Variants in ADAMTS2 observed in about 807,000 individuals in gnomAD.
ADAMTS2 encodes the protein ADAM metallopeptidase with thrombospondin type 1 motif 2, also known as A disintegrin and metalloproteinase with thrombospondin motifs 2.
ADAMTS2 carries 50 observed loss-of-function variants against 123.0 expected under a neutral mutation model. That is an observed-to-expected ratio of 0.41 (90% confidence interval 0.32 to 0.51). ADAMTS2 has a LOEUF of 0.51. ADAMTS2 is among the 20% of genes least tolerant of loss of function. The pLI, the probability that ADAMTS2 is intolerant of heterozygous loss-of-function variation, is 0.35. For missense variants in ADAMTS2, 1,494 were observed against 1,705.2 expected (o/e 0.88, Z 2.18); for synonymous variants, 678 against 695.4 (o/e 0.98, Z 0.39).
In ADAMTS2 at chr5:179,197,320, A is replaced by G. The variant is rs542844940; in HGVS notation, c.891+10193T>C. On this transcript the variant is annotated intron_variant, in intron 4 of 21. Transcript: ENST00000251582. The surrounding 1 kb of genome is among the most constrained non-coding windows in gnomAD (Gnocchi z 4.2). ...CATTGAGGCCTTAGGCTTCTCGGGA[A>G]GAGTAGGATTGAAATTAGCGCTTTA... Among the ~76,000 whole-genome samples the G allele has an allele frequency of 2.0e-5, 3 of 152,346 alleles. No homozygotes were observed. The East Asian group carries it at 5.8e-4, about 29-fold the overall frequency.
chr5:179,145,934 C>T (rs1006155558), intron 10 of ADAMTS2, among the ~76,000 whole-genome samples: 4 of 152,312 alleles, frequency 2.6e-5, no homozygotes, highest in Middle Eastern at 3.4e-3. Flanking sequence ...CTCACCGCAA[C>T]CTCTGCTTCC....
chr5:179,281,295 C>G (rs775684407), intron 2 of ADAMTS2, among the ~76,000 whole-genome samples: 4 of 152,152 alleles, frequency 2.6e-5, no homozygotes, highest in Non-Finnish European at 5.9e-5. Context: ...TTCATCACCC[C>G]AAAAAGAAAC....
At position 179,185,789 on chromosome 5, in the gene ADAMTS2, C is replaced by G. The variant is rs1434506515; in HGVS notation, c.892-4634G>C. ...TGGGCTGTCCGCCAGCAGCCAGCTC[C>G]CACCTCCTGCGCTGGGTGCCCTGAC... On this transcript the variant is annotated intron_variant, in intron 4 of 21. Transcript: ENST00000251582. The surrounding 1 kb of genome is among the most constrained non-coding windows in gnomAD (Gnocchi z 5.9). 6.6e-6 allele frequency among the ~76,000 whole-genome samples: 1 copy of G among 152,034 alleles called. No homozygotes were observed. The highest frequency in any genetic ancestry group is 1.5e-5 in the Non-Finnish European group (1 of 67,998).
chr5:179,219,856 G>A (rs934883413), intron 3 of ADAMTS2, among the ~76,000 whole-genome samples: 2 of 152,106 alleles, frequency 1.3e-5, no homozygotes, highest in Non-Finnish European at 2.9e-5. Context: ...AGCACCCGCC[G>A]AACTACCGAG....
intron 2 of ADAMTS2, among the ~76,000 whole-genome samples, chr5:179,291,275 T>C (rs908697765): frequency 6.6e-6 from 1 of 152,202 alleles, no homozygotes; most frequent in Non-Finnish European, 1.5e-5. Flanking sequence ...ACCTCCGGGC[T>C]CTGGTGTTCA....
At chr5:179,152,505 C>T (rs1293694910) in intron 9 of ADAMTS2, among the ~76,000 whole-genome samples, 3 of 152,136 alleles carry the variant, frequency 2.0e-5, no homozygotes, top group Non-Finnish European at 4.4e-5. Flanking sequence ...CCTCAGGGAG[C>T]CTGGCGGGCA....
At chr5:179,264,927 G>T (rs1249969466) in intron 3 of ADAMTS2, among the ~76,000 whole-genome samples, 1 of 118,086 alleles carries the variant, frequency 8.5e-6, no homozygotes, top group Non-Finnish European at 1.9e-5. Context: ...GCTGGGCGGA[G>T]CTGAGCGCGC....
In ADAMTS2 at chr5:179,111,080, C is replaced by G. The variant is rs957232286; in HGVS notation, c.*2787G>C. The G allele has an allele frequency of 8.5e-5, 13 of 152,110 alleles. No homozygotes were observed. Among genetic ancestry groups the G allele is most frequent in the African/African-American group, 2.9e-4 (12 of 41,416 alleles). The allele number at this position is 152,110 out of a possible 1,614,324, so 9.4% of individuals were successfully genotyped here. On this transcript the variant is annotated 3_prime_UTR_variant, in exon 22 of 22. Transcript: ENST00000251582. ...GTTGCTATTGAGCACCATGTATATA[C>G]TCAAAACAAACAGAAAAACCTTAAA...
At chr5:179,251,993 T>G (rs916717924) in intron 3 of ADAMTS2, among the ~76,000 whole-genome samples, 2 of 151,758 alleles carry the variant, frequency 1.3e-5, no homozygotes, top group Admixed American at 6.6e-5. Flanking sequence ...CACTGATTTT[T>G]TTTTCTTTTT....
intron 3 of ADAMTS2, among the ~76,000 whole-genome samples, chr5:179,222,068 C>T (rs1225008888): frequency 6.6e-6 from 1 of 152,106 alleles, no homozygotes; most frequent in African/African-American, 2.4e-5. Flanking sequence ...GCCAGGCCAT[C>T]CAACCCTGCA....
Position 179,135,958 on chromosome 5 carries a change from C to A in ADAMTS2, c.2036G>T (p.Arg679Leu), listed in dbSNP as rs144554943. The change falls in exon 13 of 22, where the codon CGC becomes CTC. Residue 679 changes from arginine (R) to leucine (L), a missense_variant. By Grantham distance (102) the Arg-to-Leu change is moderately radical. Around this residue, in one of 6 missense-constraint regions of ADAMTS2, gnomAD observed 953 missense variants for 1,124.7 expected, o/e 0.85. Transcript: ENST00000251582. ...GCTGAAGGCGTCCTTGTAGGAGCAG[C>A]GCGTCCCGTCATGCACCATGCGCTT... Reference protein sequence around the residue: ...SMKRMVHDGTRCSYKDAFSLC... With the variant: ...SMKRMVHDGTLCSYKDAFSLC... The A allele has an allele frequency of 3.7e-6, 6 of 1,613,236 alleles. No homozygotes were observed. Among genetic ancestry groups the A allele is most frequent in the Non-Finnish European group, 5.1e-6 (6 of 1,180,034 alleles).
intron 3 of ADAMTS2, among the ~76,000 whole-genome samples, chr5:179,259,228 C>T (rs1766149082): frequency 6.6e-6 from 1 of 152,204 alleles, no homozygotes; most frequent in African/African-American, 2.4e-5. Flanking sequence ...TGCCCTGGCC[C>T]CTTTTCCTCC....
In ADAMTS2 at chr5:179,155,266, TCTGCCCCCTGC is replaced by T. The variant is rs1364588133; in HGVS notation, c.1133-358_1133-348del. Among the ~76,000 whole-genome samples the T allele has an allele frequency of 3.9e-5, 6 of 152,180 alleles. No homozygotes were observed. The highest frequency in any genetic ancestry group is 7.4e-5 in the Non-Finnish European group (5 of 68,026). On this transcript the variant is annotated intron_variant, in intron 6 of 21. Coordinates refer to ENST00000251582, the MANE Select transcript of ADAMTS2 (RefSeq NM_014244.5). This position sits in a 1 kb window ranked among gnomAD's most constrained non-coding sequence, Gnocchi z 5.1. ...GCCGTTCTCTTTCACGCCACCTGCCTCTGCCCCCTGCCTGCCTCACTGAGTGGCCCCTGAGC... is the reference window on the plus strand; with the variant it reads ...GCCGTTCTCTTTCACGCCACCTGCCTCTGCCTCACTGAGTGGCCCCTGAGC...
At chr5:179,116,826 C>G (rs930735149) in intron 21 of ADAMTS2, among the ~76,000 whole-genome samples, 1 of 152,124 alleles carries the variant, frequency 6.6e-6, no homozygotes, top group African/African-American at 2.4e-5. Context: ...GAACACATGA[C>G]TGGCTGCAGG....
chr5:179,132,089 G>T lies in ADAMTS2; in HGVS notation c.2290+141C>A. ...AGGGCCCAGGTGGGCTGAGCAGAGG[G>T]ACAGGTTGGGGAGGGGCTGCCCTGG... is the stretch of plus-strand genomic sequence containing the variant. On this transcript the variant is annotated intron_variant, in intron 15 of 21. Coordinates refer to ENST00000251582, the MANE Select transcript of ADAMTS2 (RefSeq NM_014244.5). The surrounding 1 kb of genome is among the most constrained non-coding windows in gnomAD (Gnocchi z 6.1). 1.2e-6 allele frequency: 1 copy of T among 801,234 alleles called. No individual in the cohort carries two copies. Among genetic ancestry groups the T allele is most frequent in the East Asian group, 2.7e-5 (1 of 37,636 alleles). 49.6% of individuals were successfully genotyped at this position (801,234 alleles called of 1,614,324 possible).
At chr5:179,283,549 CAAAAAAAAA>C (rs3986816) in intron 2 of ADAMTS2, among the ~76,000 whole-genome samples, 9 of 51,344 alleles carry the variant, frequency 1.8e-4, no homozygotes, top group Non-Finnish European at 2.7e-4. Flanking sequence ...AGAAAAACAG[CAAAAAAAAA>C]AAAAAAAAAA....
rs1460019573 is a variant in ADAMTS2 at position 179,332,940 on chromosome 5, TGC to T, written c.534+10825_534+10826del. On this transcript the variant is annotated intron_variant, in intron 2 of 21. Coordinates refer to ENST00000251582, the MANE Select transcript of ADAMTS2 (RefSeq NM_014244.5). This position sits in a 1 kb window ranked among gnomAD's most constrained non-coding sequence, Gnocchi z 4.2. ...GGTGGCCGCCAAGTGTGGACAGCCC[TGC>T]AGCAAAGGCCAGCTACTGCCCTGGG... Among the ~76,000 whole-genome samples, 1 of 152,168 alleles carries T rather than the reference TGC, an allele frequency of 6.6e-6. No homozygotes were observed. Among genetic ancestry groups the T allele is most frequent in the East Asian group, 1.9e-4 (1 of 5,184 alleles).
At chr5:179,273,250 G>A (rs564486487) in intron 2 of ADAMTS2, among the ~76,000 whole-genome samples, 186 bp from the exon 3 acceptor site, 57 of 147,300 alleles carry the variant, frequency 3.9e-4, no homozygotes, top group East Asian at 2.0e-3. Context: ...GCCGCCCCCC[G>A]CCGCCCACCC....
chr5:179,217,753 T>C, intron 3 of ADAMTS2, among the ~76,000 whole-genome samples: 1 of 142,706 alleles, frequency 7.0e-6, no homozygotes, highest in Non-Finnish European at 1.5e-5. Flanking sequence ...TGCTAGGGGA[T>C]GGTGTGAGGG....
Sources: gnomAD v4.1 joint callset for allele counts (sites outside exome capture counted in the v4.1 genomes callset) on GRCh38, gnomAD v4.1.1 for gene constraint, gnomAD v4.1.1 regional missense constraint, Gnocchi (gnomAD v3.1) non-coding constraint, MANE v1.5 for transcripts, NCBI Gene and HGNC (gene_info 2026-07-23, HGNC 2026-07-21) for gene names.